Variants in RCAN2 observed in about 807,000 individuals in gnomAD.
The protein encoded by RCAN2 is calcipressin-2.
In RCAN2, 9 loss-of-function variants were observed where a neutral mutation model predicts 23.6. The ratio of observed to expected loss-of-function variants is 0.38; its 90% CI spans 0.23 to 0.67. The LOEUF (loss-of-function observed/expected upper bound fraction) is 0.67, where lower values mean the gene tolerates loss of function less well. RCAN2 is among the 30% of genes least tolerant of loss of function. The probability of loss-of-function intolerance (pLI) is 0.51; values close to 1 mark genes in which losing one functional copy is unlikely to be tolerated. For synonymous variants in RCAN2, 109 were observed against 115.7 expected, an observed-to-expected ratio of 0.94 and a Z score of 0.37; for missense variants, 273 against 302.3, an observed-to-expected ratio of 0.90 and a Z score of 0.72.
chr6:46,234,049 T>C (rs1709217022), intron 4 of RCAN2, among the ~76,000 whole-genome samples: 2 of 152,210 alleles, frequency 1.3e-5, no homozygotes, highest in South Asian at 4.1e-4. Context: ...TCTTTTGCAA[T>C]GCATTTACCA....
chr6:46,299,008 A>G (rs530804083), intron 2 of RCAN2, among the ~76,000 whole-genome samples: 8 of 152,242 alleles, frequency 5.3e-5, no homozygotes, highest in Middle Eastern at 3.4e-3. Flanking sequence ...ATATAAGAAT[A>G]GAAAACAAAA....
At chr6:46,244,054 G>A (rs1766421740) in intron 4 of RCAN2, among the ~76,000 whole-genome samples, 1 of 152,048 alleles carries the variant, frequency 6.6e-6, no homozygotes, top group Non-Finnish European at 1.5e-5. Context: ...TCTTTCTACA[G>A]CCTCGTTTCC....
At chr6:46,451,326 C>T (rs1474187835) in intron 2 of RCAN2, among the ~76,000 whole-genome samples, 3 of 152,172 alleles carry the variant, frequency 2.0e-5, no homozygotes, top group Non-Finnish European at 4.4e-5. Context: ...GTCCCAGCAA[C>T]ATCGGGGGCA....
At chr6:46,367,043 A>C (rs1045542743) in intron 2 of RCAN2, among the ~76,000 whole-genome samples, 1 of 124,124 alleles carries the variant, frequency 8.1e-6, no homozygotes, top group Non-Finnish European at 1.7e-5. Context: ...ATATATATAT[A>C]TATATATATA....
At chr6:46,405,777 C>T (rs958021061) in intron 2 of RCAN2, among the ~76,000 whole-genome samples, 12 of 152,230 alleles carry the variant, frequency 7.9e-5, no homozygotes, top group Non-Finnish European at 1.5e-4. Flanking sequence ...ACTCCTCAGC[C>T]CTTGGGTGGT....
At chr6:46,293,920 G>A (rs944166642) in intron 2 of RCAN2, among the ~76,000 whole-genome samples, 5 of 152,186 alleles carry the variant, frequency 3.3e-5, no homozygotes, top group African/African-American at 9.6e-5. Flanking sequence ...GCAAAAGCAT[G>A]AGGCATAAAG....
chr6:46,418,550 C>T (rs534707225), intron 2 of RCAN2, among the ~76,000 whole-genome samples: 141 of 151,902 alleles, frequency 9.3e-4, no homozygotes, highest in Non-Finnish European at 9.4e-4. Flanking sequence ...GTCCCCAGAC[C>T]CACTGACCCA....
chr6:46,316,062 C>G (rs899946865), intron 2 of RCAN2, among the ~76,000 whole-genome samples: 2 of 152,170 alleles, frequency 1.3e-5, no homozygotes, highest in African/African-American at 4.8e-5. Flanking sequence ...TCTGTCACCT[C>G]TGAGTGTCCC....
chr6:46,273,854 G>A (rs1767598867), intron 2 of RCAN2, among the ~76,000 whole-genome samples: 1 of 151,880 alleles, frequency 6.6e-6, no homozygotes, highest in Non-Finnish European at 1.5e-5. Context: ...TAAGAGTGTG[G>A]CAGATTCTTT....
intron 2 of RCAN2, among the ~76,000 whole-genome samples, chr6:46,400,119 C>T (rs1413631040): frequency 1.3e-5 from 2 of 152,176 alleles, no homozygotes; most frequent in Admixed American, 1.3e-4. Flanking sequence ...TATACTCTGC[C>T]TCAAAGTGCA....
chr6:46,474,021 G>A (rs957296984), intron 1 of RCAN2, among the ~76,000 whole-genome samples: 3 of 152,146 alleles, frequency 2.0e-5, no homozygotes, highest in South Asian at 2.1e-4. Flanking sequence ...TGGAGGAGAG[G>A]CACTGTGATT....
At chr6:46,247,316 CTCCT>C (rs891765763) in intron 3 of RCAN2, among the ~76,000 whole-genome samples, 2 of 152,018 alleles carry the variant, frequency 1.3e-5, no homozygotes, top group African/African-American at 4.8e-5. Flanking sequence ...CTCTCTTTTC[CTCCT>C]TCCTTCCTTC....
intron 2 of RCAN2, among the ~76,000 whole-genome samples, chr6:46,346,214 A>G (rs1582127747): frequency 6.6e-6 from 1 of 152,176 alleles, no homozygotes; most frequent in African/African-American, 2.4e-5. Flanking sequence ...ATCAAAATCT[A>G]TGGCATACAG....
chr6:46,351,193 G>C (rs911332845), intron 2 of RCAN2, among the ~76,000 whole-genome samples: 2 of 152,176 alleles, frequency 1.3e-5, no homozygotes, highest in Non-Finnish European at 2.9e-5. Context: ...ACCCAGCCAT[G>C]TTTAGCCCCA....
intron 2 of RCAN2, among the ~76,000 whole-genome samples, chr6:46,390,077 T>A (rs1175144018): frequency 1.3e-5 from 2 of 151,186 alleles, no homozygotes; most frequent in African/African-American, 2.4e-5. Context: ...TTTTTGAAAT[T>A]ATCGTGGTTA....
At chr6:46,319,216 A>G (rs2150361087) in intron 2 of RCAN2, among the ~76,000 whole-genome samples, 1 of 152,322 alleles carries the variant, frequency 6.6e-6, no homozygotes, top group South Asian at 2.1e-4. Flanking sequence ...ACATAAAGTG[A>G]TAATAAGTGT....
intron 2 of RCAN2, among the ~76,000 whole-genome samples, chr6:46,315,392 G>C (rs1329342977): frequency 6.6e-6 from 1 of 152,154 alleles, no homozygotes; most frequent in African/African-American, 2.4e-5. Flanking sequence ...ATGAGGGGTG[G>C]AGCGGGGCCT....
intron 2 of RCAN2, among the ~76,000 whole-genome samples, chr6:46,265,699 G>A (rs1767303788): frequency 6.6e-6 from 1 of 152,122 alleles, no homozygotes; most frequent in African/African-American, 2.4e-5. Flanking sequence ...GGCCTTCTCT[G>A]CAGTTCTCAG....
intron 2 of RCAN2, among the ~76,000 whole-genome samples, chr6:46,418,695 GTATATATATATATATATATATATA>G (rs70996369): frequency 3.3e-5 from 4 of 121,350 alleles, no homozygotes; most frequent in South Asian, 2.9e-4. Flanking sequence ...ATGTGTGTGT[GTATATATATATATATATATATATA>G]TATATATATA....
Sources: gnomAD v4.1 joint callset for allele counts (sites outside exome capture counted in the v4.1 genomes callset) on GRCh38, gnomAD v4.1.1 for gene constraint, MANE v1.5 for transcripts, NCBI Gene and HGNC (gene_info 2026-07-23, HGNC 2026-07-21) for gene names.